The following RTCB variants were observed in gnomAD, a reference collection of about 807,000 sequenced individuals.
RTCB encodes the protein RNA-splicing ligase RTCB.
In RTCB, 32 loss-of-function variants were observed where a neutral mutation model predicts 58.2. That is an observed-to-expected ratio of 0.55 (90% CI 0.41 to 0.74). The LOEUF is 0.74. Among genes scored for constraint, RTCB ranks in the 30% least tolerant of loss-of-function variants. The pLI is 0.00. For synonymous variants in RTCB, 247 were observed against 218.6 expected, an observed-to-expected ratio of 1.13 and a Z score of -1.15; for missense variants, 523 against 639.0, an observed-to-expected ratio of 0.82 and a Z score of 1.96.
chr22:32,398,612 AAATT>A lies in RTCB; in HGVS notation c.655-516_655-513del, dbSNP rs1359165756. ...ATGTATCCCAGAACTTAAAGTAAATAAATTAATTTTTTAAAAAAAGCTTCATAAA... is the reference window on the plus strand; with the variant it reads ...ATGTATCCCAGAACTTAAAGTAAATAAATTTTTTAAAAAAAGCTTCATAAA... On this transcript the variant is annotated intron_variant, in intron 6 of 11. Transcript: ENST00000216038. Among the ~76,000 whole-genome samples, 51 of 152,340 alleles carry A rather than the reference AAATT, an allele frequency of 3.3e-4. No homozygotes were observed. In the South Asian group the frequency reaches 3.9e-3, roughly 12 times the overall value.
At chr22:32,394,957 G>T in intron 9 of RTCB, 69 bp downstream of exon 9, 2 of 1,351,558 alleles carry the variant, frequency 1.5e-6, no homozygotes, top group Admixed American at 2.0e-5. Context: ...CGTTTTAAAT[G>T]TAATTCACAT....
At chr22:32,399,517 C>T (rs1933300025) in intron 6 of RTCB, 86 bp downstream of exon 6, 7 of 1,256,586 alleles carry the variant, frequency 5.6e-6, no homozygotes, top group East Asian at 2.4e-5. Flanking sequence ...AATATGTTTG[C>T]TAAATGTAAG....
Position 32,399,678 on chromosome 22 carries a change from G to A in RTCB, c.579C>T (p.Cys193=). The change falls in exon 6 of 12, where the codon TGC becomes TGT. Residue 193 remains cysteine (C), a synonymous_variant. Coordinates refer to ENST00000216038, the MANE Select transcript of RTCB (RefSeq NM_014306.5). ...GYAWAEDKEH[C]EEYGRMLQAD... ...CCTGCAGCATCCTTCCGTACTCCTC[G>A]CAGTGCTCCTTGTCTTCAGCCCAGG... The A allele has an allele frequency of 5.0e-6, 8 of 1,613,950 alleles. No homozygotes were observed. The highest frequency in any genetic ancestry group is 2.2e-5 in the East Asian group (1 of 44,866).
chr22:32,403,333 G>T (rs1189307583), intron 4 of RTCB, among the ~76,000 whole-genome samples: 3 of 151,986 alleles, frequency 2.0e-5, no homozygotes, highest in African/African-American at 7.3e-5. Context: ...CGTGAACCCA[G>T]AAGGCGGAGC....
At chr22:32,400,096 A>G (rs1933310658) in intron 5 of RTCB, 1 of 180,182 alleles carries the variant, frequency 5.5e-6, no homozygotes, top group Admixed American at 6.1e-5. Context: ...ACAGACAAAA[A>G]CAAAACAAAA....
At chr22:32,408,116 T>C in intron 3 of RTCB, 59 bp downstream of exon 3, 1 of 1,420,292 alleles carries the variant, frequency 7.0e-7, no homozygotes, top group Non-Finnish European at 9.9e-7. Flanking sequence ...GCATGGCCAT[T>C]CATCCATTCA....
chr22:32,394,391 G>A (rs576610061), intron 9 of RTCB, among the ~76,000 whole-genome samples: 109 of 152,032 alleles, frequency 7.2e-4, no homozygotes, highest in Non-Finnish European at 1.2e-3. Context: ...GATTACAGGC[G>A]TAAGCCACCA....
chr22:32,408,709 G>A (rs1933469251), intron 2 of RTCB, 46 bp downstream of exon 2: 1 of 1,372,670 alleles, frequency 7.3e-7, no homozygotes. Flanking sequence ...CAGGCCACAG[G>A]GAAGGCACTA....
At chr22:32,401,934 G>A (rs773717146) in intron 4 of RTCB, 31 bp from the exon 5 acceptor site, 2 of 1,609,290 alleles carry the variant, frequency 1.2e-6, no homozygotes, top group African/African-American at 2.7e-5. Context: ...AGCAAAACCA[G>A]CTGGTAAGGC....
At chr22:32,411,932 G>A (rs973258914) in intron 1 of RTCB, 132 bp downstream of exon 1, 3 of 656,724 alleles carry the variant, frequency 4.6e-6, no homozygotes, top group Non-Finnish European at 5.1e-6. Context: ...AGGGGAGAAG[G>A]ACGGGATGAG....
chr22:32,402,097 G>T (rs1448226745), intron 4 of RTCB, among the ~76,000 whole-genome samples, 194 bp from the exon 5 acceptor site: 1 of 152,114 alleles, frequency 6.6e-6, no homozygotes, highest in Admixed American at 6.6e-5. Flanking sequence ...ACACACTAAA[G>T]GCACTTTATG....
At chr22:32,395,313 G>T in intron 8 of RTCB, 99 bp from the exon 9 acceptor site, 2 of 997,784 alleles carry the variant, frequency 2.0e-6, no homozygotes, top group South Asian at 1.8e-5. Context: ...CTGTTCTGAA[G>T]GGAGTAAAAG....
At chr22:32,406,910 G>T in intron 3 of RTCB, 149 bp from the exon 4 acceptor site, 2 of 552,946 alleles carry the variant, frequency 3.6e-6, no homozygotes, top group Non-Finnish European at 3.3e-6. Flanking sequence ...TATATGCATG[G>T]AAATAGTAAG....
chr22:32,396,634 A>G (rs1933250637), intron 7 of RTCB, among the ~76,000 whole-genome samples: 5 of 152,250 alleles, frequency 3.3e-5, no homozygotes, highest in Admixed American at 3.3e-4. Flanking sequence ...AATGCAGAGA[A>G]GTACTCAGGG....
chr22:32,393,969 T>C lies in RTCB; in HGVS notation c.1213A>G (p.Met405Val). The C allele has an allele frequency of 6.2e-7, 1 of 1,614,112 alleles. No homozygotes were observed. The highest frequency in any genetic ancestry group is 8.5e-7 in the Non-Finnish European group (1 of 1,179,928). Residue 405 changes from methionine (M) to valine (V), a missense_variant, in exon 10 of 12, where the codon ATG becomes GTG. Met to Val is a conservative substitution (Grantham distance 21, BLOSUM62 1). Coordinates refer to ENST00000216038, the MANE Select transcript of RTCB (RefSeq NM_014306.5). ...GTAAGAACATAACTACAGGTTCCCA[T>C]GGTGCCACCAATGAGCACTGGCTGT... ...TGQPVLIGGTMGTCSYVLTGT... is the reference protein window; with the variant it reads ...TGQPVLIGGTVGTCSYVLTGT...
At chr22:32,401,090 GTT>G (rs536914312) in intron 5 of RTCB, among the ~76,000 whole-genome samples, 13 of 136,670 alleles carry the variant, frequency 9.5e-5, no homozygotes, top group Admixed American at 1.5e-4. Context: ...CACCTACTAA[GTT>G]TTTTTTTTTT....
chr22:32,392,174 G>A, intron 11 of RTCB, 66 bp downstream of exon 11: 2 of 1,539,792 alleles, frequency 1.3e-6, no homozygotes, highest in Non-Finnish European at 1.8e-6. Context: ...TGCTGTCTCT[G>A]TAGACTGGAA....
At chr22:32,400,714 G>A (rs181308416) in intron 5 of RTCB, among the ~76,000 whole-genome samples, 1 of 152,186 alleles carries the variant, frequency 6.6e-6, no homozygotes, top group East Asian at 1.9e-4. Context: ...TTGGTTAGGG[G>A]GAGTTAAATA....
intron 2 of RTCB, among the ~76,000 whole-genome samples, chr22:32,408,509 T>C (rs886400635): frequency 6.6e-6 from 1 of 152,244 alleles, no homozygotes; most frequent in Admixed American, 6.5e-5. Flanking sequence ...CTTGCTATTA[T>C]TGTTCAAGGT....
Sources: gnomAD v4.1 joint callset for allele counts (sites outside exome capture counted in the v4.1 genomes callset) on GRCh38, gnomAD v4.1.1 for gene constraint, MANE v1.5 for transcripts, NCBI Gene and HGNC (gene_info 2026-07-23, HGNC 2026-07-21) for gene names.